NHSL1: variants seen among roughly 807,000 people sequenced by gnomAD.
The protein encoded by NHSL1 is NHS like 1, also known as NHS-like protein 1.
NHSL1 carries 48 observed loss-of-function variants against 95.0 expected under a neutral mutation model. The observed-to-expected ratio is 0.51, with a 90% CI of 0.40 to 0.64. The LOEUF is 0.64. Ranked by LOEUF, NHSL1 falls within the 30% of genes least tolerant of loss-of-function variation. The probability of loss-of-function intolerance (pLI) is 0.00; values close to 1 mark genes in which losing one functional copy is unlikely to be tolerated. For synonymous variants in NHSL1, 783 were observed against 833.9 expected, an observed-to-expected ratio of 0.94 and a Z score of 1.05; for missense variants, 1,971 against 2,077.7, an observed-to-expected ratio of 0.95 and a Z score of 1.00.
At chr6:138,608,307 T>C (rs946822388) in intron 1 of NHSL1, among the ~76,000 whole-genome samples, 6 of 152,208 alleles carry the variant, frequency 3.9e-5, no homozygotes, top group African/African-American at 1.2e-4. Flanking sequence ...CGAGATAGCC[T>C]CAAGATTCTA....
intron 1 of NHSL1, among the ~76,000 whole-genome samples, chr6:138,535,344 G>A (rs1240583770): frequency 3.3e-5 from 5 of 152,122 alleles, no homozygotes; most frequent in Admixed American, 3.3e-4. Flanking sequence ...CGGGAGGATT[G>A]CCTGAGCCCA....
chr6:138,654,967 A>AT (rs1432968690), intron 1 of NHSL1, among the ~76,000 whole-genome samples: 2 of 152,148 alleles, frequency 1.3e-5, no homozygotes. Context: ...ATAAGCTTTG[A>AT]TTTTTAAGAA....
rs1484205837 is a variant in NHSL1, at chr6:138,431,993, A to C, written c.2352T>G (p.Ile784Met). 2 of 1,551,566 alleles carry C rather than the reference A, an allele frequency of 1.3e-6. No homozygotes were observed. The part of the protein sequence containing the change: ...SEYTDPWGYY[I>M]DYTGMQEDPG... ...GATCTTCCTGCATGCCCGTGTAGTC[A>C]ATGTAATAACCCCAGGGGTCCGTGT... is the stretch of plus-strand genomic sequence containing the variant. The change falls in exon 6 of 8, where the codon ATT becomes ATG. Residue 784 changes from isoleucine (I) to methionine (M), a missense_variant. By Grantham distance (10) the Ile-to-Met change is conservative. This residue lies in a region of NHSL1 where 1,602 missense variants were observed against 1,654.5 expected (regional missense o/e 0.97). Coordinates refer to ENST00000343505, the MANE Select transcript of NHSL1 (RefSeq NM_001144060.2). The surrounding 1 kb of genome is among the most constrained non-coding windows in gnomAD (Gnocchi z 4.0).
intron 2 of NHSL1, among the ~76,000 whole-genome samples, chr6:138,489,527 G>A (rs1779905741): frequency 6.6e-6 from 1 of 152,044 alleles, no homozygotes; most frequent in South Asian, 2.1e-4. Context: ...AGCACTTTGG[G>A]AGGCCGAGGC....
intron 1 of NHSL1, among the ~76,000 whole-genome samples, chr6:138,686,452 T>A (rs1785585839): frequency 6.6e-6 from 1 of 152,008 alleles, no homozygotes. Context: ...GCCATTGAAC[T>A]CCAGCCTGGG....
At chr6:138,604,075 T>C (rs1273772365) in intron 1 of NHSL1, among the ~76,000 whole-genome samples, 4 of 152,208 alleles carry the variant, frequency 2.6e-5, no homozygotes, top group South Asian at 2.1e-4. Context: ...AGCTTCATCA[T>C]CAGCGTTAAG....
intron 1 of NHSL1, among the ~76,000 whole-genome samples, chr6:138,590,313 T>C (rs546577472): frequency 2.7e-4 from 41 of 152,332 alleles, no homozygotes; most frequent in African/African-American, 9.4e-4. Context: ...ATACCTTTCA[T>C]GTTGCTCTGG....
chr6:138,582,143 C>A (rs912251901), intron 1 of NHSL1, among the ~76,000 whole-genome samples: 8 of 152,004 alleles, frequency 5.3e-5, no homozygotes, highest in African/African-American at 1.9e-4. Context: ...GTGATTCGCC[C>A]GCCTCAGCCT....
intron 1 of NHSL1, among the ~76,000 whole-genome samples, chr6:138,581,257 T>C (rs1336487196): frequency 6.6e-6 from 1 of 152,224 alleles, no homozygotes; most frequent in African/African-American, 2.4e-5. Context: ...CTGAGATTTT[T>C]TGCACTCGTA....
chr6:138,680,599 C>T (rs934798295), intron 1 of NHSL1, among the ~76,000 whole-genome samples: 2 of 151,952 alleles, frequency 1.3e-5, no homozygotes, highest in African/African-American at 4.8e-5. Context: ...TAACAGAAGC[C>T]TCTCCTCCCT....
At chr6:138,591,696 T>C (rs9495146) in intron 1 of NHSL1, among the ~76,000 whole-genome samples, 51,961 of 152,086 alleles carry the variant, frequency 0.34, 9,336 homozygotes, top group Middle Eastern at 0.46. Context: ...CCTCCCAACA[T>C]GCTGGGATTA....
chr6:138,670,048 G>A (rs1785343850), intron 1 of NHSL1, among the ~76,000 whole-genome samples: 1 of 152,084 alleles, frequency 6.6e-6, no homozygotes, highest in South Asian at 2.1e-4. Flanking sequence ...TTGAACCCAG[G>A]AGGTGGAGGT....
chr6:138,445,821 T>G (rs1414539952), intron 4 of NHSL1, among the ~76,000 whole-genome samples: 1 of 152,202 alleles, frequency 6.6e-6, no homozygotes, highest in Non-Finnish European at 1.5e-5. Flanking sequence ...GGTCACCTAG[T>G]TTTTTTGTTA....
chr6:138,431,735 T>C lies in NHSL1; in HGVS notation c.2610A>G (p.Lys870=). 6.4e-7 allele frequency: 1 copy of C among 1,551,778 alleles called. No homozygotes were observed. The highest frequency in any genetic ancestry group is 8.7e-7 in the Non-Finnish European group (1 of 1,146,988). ...CCTTCCCGTTTGCTGGTGACACTGA[T>C]TTTAAAAACACAGGCACAGGGGTGA... ...TALTPVPVFL[K]SVSPANGKGK... The change falls in exon 6 of 8, where the codon AAA becomes AAG. Residue 870 remains lysine (K), a synonymous_variant. Transcript: ENST00000343505. The surrounding 1 kb of genome is among the most constrained non-coding windows in gnomAD (Gnocchi z 4.0).
At position 138,687,425 on chromosome 6, in the gene NHSL1, T is replaced by C. The variant is rs140630804; in HGVS notation, c.96+5051A>G. 8.5e-5 allele frequency among the ~76,000 whole-genome samples: 13 copies of C among 152,280 alleles called. No homozygotes were observed. The East Asian group carries it at 2.5e-3, about 29-fold the overall frequency. ...TCTGGTTAGGTGAGGGGACAGTCTG[T>C]TGTGAGGTATGAGAATGCATCTCAA... On this transcript the variant is annotated intron_variant, in intron 1 of 3. Coordinates refer to the NHSL1 transcript ENST00000491526.
chr6:138,688,828 T>C (rs1189666811), intron 1 of NHSL1, among the ~76,000 whole-genome samples: 1 of 152,234 alleles, frequency 6.6e-6, no homozygotes, highest in Non-Finnish European at 1.5e-5. Context: ...GTCTGACTTT[T>C]ACAGACAGGA....
chr6:138,515,867 G>A (rs1781438035), intron 1 of NHSL1, among the ~76,000 whole-genome samples: 1 of 152,208 alleles, frequency 6.6e-6, no homozygotes, highest in Admixed American at 6.5e-5. Flanking sequence ...CAACAAGAGG[G>A]CATAAAGAAG....
intron 1 of NHSL1, among the ~76,000 whole-genome samples, chr6:138,654,465 T>C (rs1375631468): frequency 6.6e-6 from 1 of 152,242 alleles, no homozygotes; most frequent in East Asian, 1.9e-4. Flanking sequence ...AACCAATAGA[T>C]GTGTAAAGAC....
At chr6:138,636,366 T>C (rs574032151) in intron 1 of NHSL1, among the ~76,000 whole-genome samples, 33 of 152,270 alleles carry the variant, frequency 2.2e-4, no homozygotes, top group African/African-American at 6.7e-4. Context: ...ATGACAAGGA[T>C]ACCCACTTTC....
Sources: allele counts gnomAD v4.1 joint callset (sites outside exome capture counted in the v4.1 genomes callset), GRCh38; gene constraint gnomAD v4.1.1; regional missense constraint gnomAD v4.1.1; non-coding constraint Gnocchi (gnomAD v3.1); transcripts MANE v1.5; gene names NCBI Gene and HGNC (gene_info 2026-07-23, HGNC 2026-07-21).